KCNT2: variants seen among roughly 807,000 people sequenced by gnomAD.
KCNT2 encodes the protein potassium sodium-activated channel subfamily T member 2.
KCNT2 carries 67 observed loss-of-function variants against 153.8 expected under a neutral mutation model. That is an observed-to-expected ratio of 0.44 (90% CI 0.36 to 0.53). The LOEUF (loss-of-function observed/expected upper bound fraction) is 0.53, where lower values mean the gene tolerates loss of function less well. KCNT2 is among the 20% of genes least tolerant of loss of function. KCNT2 has a pLI of 0.00. For missense variants in KCNT2, 975 were observed against 1,354.8 expected, an observed-to-expected ratio of 0.72 and a Z score of 4.40; for synonymous variants, 500 against 458.8, an observed-to-expected ratio of 1.09 and a Z score of -1.15.
intron 13 of KCNT2, among the ~76,000 whole-genome samples, chr1:196,381,161 T>C (rs748250492): frequency 1.3e-5 from 2 of 152,188 alleles, no homozygotes; most frequent in Admixed American, 6.5e-5. Flanking sequence ...TCAATACTTA[T>C]TTTAGTACAA....
At chr1:196,313,206 C>T (rs2148009863) in intron 21 of KCNT2, among the ~76,000 whole-genome samples, 1 of 151,540 alleles carries the variant, frequency 6.6e-6, no homozygotes, top group South Asian at 2.1e-4. Flanking sequence ...TGACAGGTTC[C>T]AGTGTGGTCA....
intron 12 of KCNT2, among the ~76,000 whole-genome samples, chr1:196,420,041 T>C (rs1161317431): frequency 6.6e-6 from 1 of 152,030 alleles, no homozygotes; most frequent in East Asian, 1.9e-4. Flanking sequence ...CTAACTACCA[T>C]AATTTTCTCA....
intron 14 of KCNT2, among the ~76,000 whole-genome samples, chr1:196,357,770 T>C (rs1667291905): frequency 6.6e-6 from 1 of 151,904 alleles, no homozygotes; most frequent in Admixed American, 6.6e-5. Flanking sequence ...GAATTTTTTA[T>C]GCAAGTTTAA....
At chr1:196,504,749 G>T (rs1195131437) in intron 1 of KCNT2, among the ~76,000 whole-genome samples, 1 of 152,116 alleles carries the variant, frequency 6.6e-6, no homozygotes, top group Admixed American at 6.6e-5. Flanking sequence ...AGCACCTGTT[G>T]TTTCTTGACT....
intron 13 of KCNT2, among the ~76,000 whole-genome samples, chr1:196,384,467 G>A (rs1251370427): frequency 2.0e-5 from 3 of 151,996 alleles, no homozygotes; most frequent in Non-Finnish European, 4.4e-5. Flanking sequence ...CAAGGTGGGC[G>A]GATCACTTGA....
intron 13 of KCNT2, among the ~76,000 whole-genome samples, chr1:196,384,038 A>G (rs1473089994): frequency 6.6e-6 from 1 of 152,210 alleles, no homozygotes; most frequent in Non-Finnish European, 1.5e-5. Flanking sequence ...TATTCTAACC[A>G]CACACATTAA....
At chr1:196,445,669 C>T (rs552121284) in intron 8 of KCNT2, among the ~76,000 whole-genome samples, 88 of 151,462 alleles carry the variant, frequency 5.8e-4, no homozygotes, top group Non-Finnish European at 1.1e-3. Context: ...TTAAAATCAA[C>T]TGAAAAATTT....
intron 25 of KCNT2, among the ~76,000 whole-genome samples, chr1:196,270,648 G>T (rs1381807218): frequency 1.3e-5 from 2 of 151,944 alleles, no homozygotes; most frequent in Non-Finnish European, 2.9e-5. Flanking sequence ...TAACTTAGCA[G>T]TGCAATTTAT....
At chr1:196,520,940 T>G (rs770155283) in intron 1 of KCNT2, among the ~76,000 whole-genome samples, 21 of 152,040 alleles carry the variant, frequency 1.4e-4, no homozygotes, top group Non-Finnish European at 2.8e-4. Context: ...AAGCAAAAAT[T>G]GACAAATTGG....
rs747676674 is a variant in KCNT2, at chr1:196,285,686, T to C, written c.2668A>G (p.Ile890Val). The C allele has an allele frequency of 3.1e-6, 5 of 1,612,264 alleles. No individual in the cohort carries two copies. In the South Asian group the frequency reaches 3.3e-5, roughly 11 times the overall value. The change falls in exon 23 of 28, where the codon ATC becomes GTC. Residue 890 changes from isoleucine to valine, a missense_variant. Ile to Val is a conservative substitution (Grantham distance 29). Coordinates refer to ENST00000294725, the MANE Select transcript of KCNT2 (RefSeq NM_198503.5). ...TACAGCAGAGTGTCCAACATACTGA[T>C]GCTAAACACCCTCCCAGCAGCAAAA... ...LPFAAGRVFS[I>V]SMLDTLLYQS...
chr1:196,345,671 AG>A (rs1299466420), intron 14 of KCNT2, among the ~76,000 whole-genome samples: 1 of 152,148 alleles, frequency 6.6e-6, no homozygotes, highest in Non-Finnish European at 1.5e-5. Flanking sequence ...ATGACCAGTG[AG>A]GGGATTATTG....
chr1:196,473,625 C>T (rs895409011), intron 5 of KCNT2, among the ~76,000 whole-genome samples: 2 of 152,146 alleles, frequency 1.3e-5, no homozygotes, highest in Non-Finnish European at 2.9e-5. Context: ...AAATGCGTCT[C>T]TTTTCAGTTA....
At chr1:196,350,032 T>A (rs1666514101) in intron 14 of KCNT2, among the ~76,000 whole-genome samples, 1 of 152,186 alleles carries the variant, frequency 6.6e-6, no homozygotes, top group Non-Finnish European at 1.5e-5. Context: ...ACAAAGAACA[T>A]GAACTCATCA....
intron 22 of KCNT2, among the ~76,000 whole-genome samples, chr1:196,287,495 A>G (rs960991998): frequency 2.6e-5 from 4 of 152,054 alleles, no homozygotes; most frequent in African/African-American, 9.7e-5. Context: ...GTTCAATTAC[A>G]TTACCATTTC....
chr1:196,524,453 T>G (rs1434998800), intron 1 of KCNT2, among the ~76,000 whole-genome samples: 1 of 152,140 alleles, frequency 6.6e-6, no homozygotes, highest in Non-Finnish European at 1.5e-5. Context: ...AAATAACATG[T>G]CCACTAAAGA....
chr1:196,310,266 A>C (rs1662038277), intron 21 of KCNT2, among the ~76,000 whole-genome samples: 1 of 151,902 alleles, frequency 6.6e-6, no homozygotes, highest in African/African-American at 2.4e-5. Context: ...CATTAATAGG[A>C]GGTATACAGA....
chr1:196,537,908 ATTC>A (rs1655809247), intron 1 of KCNT2, among the ~76,000 whole-genome samples: 1 of 152,134 alleles, frequency 6.6e-6, no homozygotes, highest in Non-Finnish European at 1.5e-5. Context: ...CCAGGTCTGC[ATTC>A]ACAGCAGCCT....
chr1:196,317,308 G>C (rs1202059187), intron 20 of KCNT2: 1 of 450,628 alleles, frequency 2.2e-6, no homozygotes, highest in East Asian at 7.0e-5. Flanking sequence ...AATTTCCTAT[G>C]ATAAGAGGGG....
At chr1:196,450,325 A>C (rs530564524) in intron 8 of KCNT2, among the ~76,000 whole-genome samples, 1 of 152,002 alleles carries the variant, frequency 6.6e-6, no homozygotes, top group Admixed American at 6.6e-5. Context: ...CTGTGATTTT[A>C]GTGATCATTC....
Sources: gnomAD v4.1 joint callset for allele counts (sites outside exome capture counted in the v4.1 genomes callset) on GRCh38, gnomAD v4.1.1 for gene constraint, MANE v1.5 for transcripts, NCBI Gene and HGNC (gene_info 2026-07-23, HGNC 2026-07-21) for gene names.